Variants in GARRE1 observed in about 807,000 individuals in gnomAD.
GARRE1 encodes the protein granule associated Rac and RHOG effector 1.
A neutral mutation model predicts 103.2 loss-of-function variants in GARRE1; 49 were observed. That is an observed-to-expected ratio of 0.47 (90% confidence interval 0.38 to 0.60). GARRE1 has a LOEUF of 0.60. Among genes scored for constraint, GARRE1 ranks in the 20% least tolerant of loss-of-function variants. GARRE1 has a pLI of 0.00. For synonymous variants in GARRE1, 505 were observed against 532.8 expected (o/e 0.95, Z 0.72); for missense variants, 1,199 against 1,370.5 (o/e 0.87, Z 1.98).
intron 2 of GARRE1, among the ~76,000 whole-genome samples, chr19:34,311,769 C>A (rs1243977643): frequency 6.6e-6 from 1 of 152,096 alleles, no homozygotes; most frequent in Non-Finnish European, 1.5e-5. Flanking sequence ...TGCCACCACA[C>A]CCAGCTAATT....
chr19:34,280,769 A>G (rs1330434364), intron 1 of GARRE1, among the ~76,000 whole-genome samples: 1 of 152,140 alleles, frequency 6.6e-6, no homozygotes, highest in Non-Finnish European at 1.5e-5. Flanking sequence ...TAGTAGTGTT[A>G]TATGAGTTCC....
chr19:34,298,944 G>A (rs896111464), intron 1 of GARRE1, among the ~76,000 whole-genome samples: 3 of 152,182 alleles, frequency 2.0e-5, no homozygotes, highest in Admixed American at 6.5e-5. Context: ...CACCCAAGGT[G>A]TGAAACTGGT....
intron 1 of GARRE1, among the ~76,000 whole-genome samples, chr19:34,267,771 G>A (rs2073761244): frequency 6.7e-6 from 1 of 149,418 alleles, no homozygotes; most frequent in Admixed American, 6.7e-5. Flanking sequence ...ATTGCTTTGT[G>A]GTTTTTTTGT....
At chr19:34,351,426 A>T in intron 12 of GARRE1, 88 bp from the exon 13 acceptor site, 3 of 1,008,794 alleles carry the variant, frequency 3.0e-6, no homozygotes, top group Non-Finnish European at 3.2e-6. Context: ...GGGCCTGGAG[A>T]TGCTGGAGCC....
intron 3 of GARRE1, among the ~76,000 whole-genome samples, chr19:34,320,435 TG>T (rs2074081590): frequency 1.3e-5 from 2 of 152,294 alleles, no homozygotes; most frequent in African/African-American, 4.8e-5. Flanking sequence ...ACGGTAGTGC[TG>T]CAGGAAAGCT....
chr19:34,313,512 A>G (rs760397072), intron 2 of GARRE1, among the ~76,000 whole-genome samples: 2 of 152,190 alleles, frequency 1.3e-5, no homozygotes, highest in Non-Finnish European at 2.9e-5. Flanking sequence ...GTGCGGCAAC[A>G]TGGGAGGCAT....
chr19:34,304,233 G>A (rs1255744967), intron 2 of GARRE1, among the ~76,000 whole-genome samples: 1 of 152,070 alleles, frequency 6.6e-6, no homozygotes, highest in Non-Finnish European at 1.5e-5. Context: ...TGGGATTACA[G>A]GCATGTGCCA....
intron 1 of GARRE1, among the ~76,000 whole-genome samples, chr19:34,294,028 C>T (rs1217038146): frequency 6.6e-6 from 1 of 151,992 alleles, no homozygotes; most frequent in Non-Finnish European, 1.5e-5. Context: ...TCCCAAAGTG[C>T]TGGGATTACA....
intron 10 of GARRE1, among the ~76,000 whole-genome samples, chr19:34,347,630 C>T (rs923489656): frequency 1.2e-4 from 19 of 152,202 alleles, no homozygotes; most frequent in Non-Finnish European, 5.9e-5. Flanking sequence ...CTTAGCCTGC[C>T]TCTATCCTAG....
At position 34,355,078 on chromosome 19, in the gene GARRE1, C is replaced by A. The variant is rs527608572; in HGVS notation, c.*2123C>A. 26 of 152,714 alleles carry A rather than the reference C, an allele frequency of 1.7e-4. No homozygotes were observed. Among genetic ancestry groups the A allele is most frequent in the Admixed American group, 3.3e-4 (5 of 15,284 alleles). 9.5% of individuals were successfully genotyped at this position (152,714 alleles called of 1,614,324 possible). The stretch of plus-strand genomic sequence containing the variant: ...TTCCTTCAGTAATGTGTCCACAGTA[C>A]CCTGTATTTCGAGTTCCATTATACT... On this transcript the variant is annotated 3_prime_UTR_variant, in exon 14 of 14. Coordinates refer to ENST00000299505, the MANE Select transcript of GARRE1 (RefSeq NM_014686.5).
Position 34,328,040 on chromosome 19 carries a change from C to G in GARRE1, c.993C>G (p.Pro331=). Residue 331 remains proline (P), a synonymous_variant, in exon 6 of 14, where the codon CCC becomes CCG. Coordinates refer to ENST00000299505, the MANE Select transcript of GARRE1 (RefSeq NM_014686.5). ...EAQQTGRRQT[P]PQPMQCELPT... ...AGCAGACGGGGCGGAGGCAGACACC[C>G]CCGCAGCCCATGCAGTGTGAGCTCC... is the stretch of plus-strand genomic sequence containing the variant. 6.2e-7 allele frequency: 1 copy of G among 1,614,174 alleles called. No individual in the cohort carries two copies. Among genetic ancestry groups the G allele is most frequent in the Non-Finnish European group, 8.5e-7 (1 of 1,180,036 alleles).
intron 2 of GARRE1, among the ~76,000 whole-genome samples, chr19:34,313,835 C>G (rs1170663631): frequency 6.6e-6 from 1 of 152,144 alleles, no homozygotes; most frequent in Admixed American, 6.6e-5. Flanking sequence ...GAGTCTCGCT[C>G]TTTCTCCCAG....
In GARRE1 at chr19:34,347,886, A is replaced by T; in HGVS notation, c.2531A>T (p.Asp844Val). 6.4e-7 allele frequency: 1 copy of T among 1,561,332 alleles called. No homozygotes were observed. Among genetic ancestry groups the T allele is most frequent in the Non-Finnish European group, 8.7e-7 (1 of 1,149,594 alleles). The change falls in exon 11 of 14, where the codon GAC (aspartate) becomes GTC (valine). Residue 844 changes from aspartate (D) to valine (V), a missense_variant. Asp to Val is a radical substitution (Grantham distance 152). Coordinates refer to ENST00000299505, the MANE Select transcript of GARRE1 (RefSeq NM_014686.5). ...ILPFDPAVGS[D>V]PEFARYVAGV... ...CTTTGTCCCAATGCAGTGGGCTCAGACCCAGAGTTTGCACGCTATGTGGCA... is the reference window on the plus strand; with the variant it reads ...CTTTGTCCCAATGCAGTGGGCTCAGTCCCAGAGTTTGCACGCTATGTGGCA...
At chr19:34,307,232 G>T (rs1222624003) in intron 2 of GARRE1, among the ~76,000 whole-genome samples, 1 of 152,152 alleles carries the variant, frequency 6.6e-6, no homozygotes, top group African/African-American at 2.4e-5. Flanking sequence ...GCAGGGGATG[G>T]GAGGGCAGCA....
chr19:34,311,538 G>T (rs2074036595), intron 2 of GARRE1, among the ~76,000 whole-genome samples: 1 of 152,152 alleles, frequency 6.6e-6, no homozygotes, highest in African/African-American at 2.4e-5. Flanking sequence ...TGATGCCCTG[G>T]CGTCTCCATT....
intron 1 of GARRE1, among the ~76,000 whole-genome samples, chr19:34,266,727 T>C (rs1276259765): frequency 2.0e-5 from 3 of 152,220 alleles, no homozygotes; most frequent in African/African-American, 7.2e-5. Flanking sequence ...AGAGATGTTA[T>C]AATTTATTGA....
In GARRE1 at chr19:34,299,985, AG is replaced by A. The variant is rs1326123140; in HGVS notation, c.-487del. 6.6e-6 allele frequency: 1 copy of A among 152,582 alleles called. No homozygotes were observed. Among genetic ancestry groups the A allele is most frequent in the Non-Finnish European group, 1.5e-5 (1 of 68,314 alleles). 9.5% of individuals were successfully genotyped at this position (152,582 alleles called of 1,614,324 possible). On this transcript the variant is annotated 5_prime_UTR_variant, in exon 2 of 14. Transcript: ENST00000299505. ...TGCAGAAGTTTGATCTTCCTTCTTA[AG>A]GACTTTGTGTGAAGTAATTCTTTAC...
intron 1 of GARRE1, among the ~76,000 whole-genome samples, chr19:34,273,421 A>C (rs1454438411): frequency 6.6e-6 from 1 of 152,204 alleles, no homozygotes; most frequent in East Asian, 1.9e-4. Flanking sequence ...TTTTAAGCAG[A>C]ACCTTATTTC....
At chr19:34,335,853 ATAG>A (rs1277138963) in intron 8 of GARRE1, among the ~76,000 whole-genome samples, 1 of 152,138 alleles carries the variant, frequency 6.6e-6, no homozygotes, top group Non-Finnish European at 1.5e-5. Flanking sequence ...TAAGAGTATA[ATAG>A]TAGATTCTGT....
Sources: allele counts gnomAD v4.1 joint callset (sites outside exome capture counted in the v4.1 genomes callset), GRCh38; gene constraint gnomAD v4.1.1; transcripts MANE v1.5; gene names NCBI Gene and HGNC (gene_info 2026-07-23, HGNC 2026-07-21).